The following C1orf35 variants were observed in gnomAD, a reference collection of about 807,000 sequenced individuals.
C1orf35 encodes the protein chromosome 1 open reading frame 35, also known as multiple myeloma tumor-associated protein 2.
In C1orf35, 36 loss-of-function variants were observed where a neutral mutation model predicts 30.9. The observed-to-expected ratio is 1.16, with a 90% CI of 0.89 to 1.54. The LOEUF is 1.54. Among genes scored for constraint, C1orf35 ranks in the 40% most tolerant of loss-of-function variants. C1orf35 has a pLI of 0.00. For synonymous variants in C1orf35, 179 were observed against 148.2 expected, an observed-to-expected ratio of 1.21 and a Z score of -1.51; for missense variants, 396 against 358.7, an observed-to-expected ratio of 1.10 and a Z score of -0.84.
intron 6 of C1orf35, 134 bp from the exon 7 acceptor site, chr1:228,101,607 C>T (rs2032948132): frequency 1.3e-6 from 2 of 1,510,672 alleles, no homozygotes; most frequent in Non-Finnish European, 8.8e-7. Context: ...ACTACAAATT[C>T]CACTCCTCAG....
intron 6 of C1orf35, 157 bp from the exon 7 acceptor site, chr1:228,101,630 G>A: frequency 1.4e-6 from 2 of 1,476,862 alleles, no homozygotes; most frequent in South Asian, 2.8e-5. Context: ...ACGTAGTCAC[G>A]TGGCCAGTGG....
chr1:228,101,572 T>C, intron 6 of C1orf35, 99 bp from the exon 7 acceptor site: 1 of 1,552,440 alleles, frequency 6.4e-7, no homozygotes, highest in Non-Finnish European at 8.6e-7. Flanking sequence ...CACCCACAAG[T>C]GCGTCTTTAA....
In C1orf35 at chr1:228,103,270, T is replaced by C. The variant is rs762304555; in HGVS notation, c.-43A>G. 4.4e-6 allele frequency: 7 copies of C among 1,598,822 alleles called. No individual in the cohort carries two copies. Among genetic ancestry groups the C allele is most frequent in the South Asian group, 2.2e-5 (2 of 89,742 alleles). ...TGCCTGGGGCCTGCGGCTTGCAACC[T>C]GCAACCCGCAACCCGAGACCCGCTA... On this transcript the variant is annotated 5_prime_UTR_variant, in exon 1 of 8. Transcript: ENST00000272139.
In C1orf35 at chr1:228,102,958, G is replaced by A. The variant is rs546511660; in HGVS notation, c.186C>T (p.Ser62=). The change falls in exon 2 of 8, where the codon AGC becomes AGT. Residue 62 remains serine (S), a synonymous_variant. Coordinates refer to ENST00000272139, the MANE Select transcript of C1orf35 (RefSeq NM_024319.4). ...AKGRAPCAGP[S]REEELAAVRE... Reference sequence around the variant, plus strand: ...GCACGGCTGCCAGTTCCTCCTCGCGGCTCGGGCCCGCGCATGGCGCCCGGC... The same window carrying A: ...GCACGGCTGCCAGTTCCTCCTCGCGACTCGGGCCCGCGCATGGCGCCCGGC... The A allele has an allele frequency of 9.3e-5, 142 of 1,521,316 alleles. 1 individual carries two copies. In the Admixed American group the frequency reaches 2.8e-3, roughly 30 times the overall value. 94.2% of individuals were successfully genotyped at this position (1,521,316 alleles called of 1,614,324 possible).
rs2033017425 is a variant in C1orf35 at position 228,103,016 on chromosome 1, T to C, written c.128A>G (p.Gln43Arg). The stretch of plus-strand genomic sequence containing the variant: ...GTACCAGGTGAGGTCGCGGCCCTTC[T>C]GCCAGCGGCCTACCGGCGCCATCAG... ...NSLMAPVGRW[Q>R]KGRDLTWYAK... Residue 43 changes from glutamine to arginine, a missense_variant, in exon 2 of 8, where the codon CAG becomes CGG. By Grantham distance (43) the Gln-to-Arg change is conservative. Transcript: ENST00000272139. The C allele has an allele frequency of 1.9e-6, 3 of 1,581,058 alleles. No individual in the cohort carries two copies. Among genetic ancestry groups the C allele is most frequent in the Non-Finnish European group, 8.6e-7 (1 of 1,166,712 alleles).
At chr1:228,102,006 C>T (rs2032978613) in intron 6 of C1orf35, 74 bp downstream of exon 6, 11 of 1,437,904 alleles carry the variant, frequency 7.7e-6, no homozygotes, top group African/African-American at 1.4e-5. Flanking sequence ...GCCACCTGCC[C>T]GAGTGGGAGC....
chr1:228,102,403 A>G, intron 4 of C1orf35, 21 bp from the exon 5 acceptor site: 1 of 1,606,828 alleles, frequency 6.2e-7, no homozygotes, highest in Non-Finnish European at 8.5e-7. Flanking sequence ...ATGGCGATGA[A>G]GACAGTACGG....
chr1:228,102,596 GC>G, intron 3 of C1orf35, 36 bp from the exon 4 acceptor site: 1 of 1,581,128 alleles, frequency 6.3e-7, no homozygotes. Flanking sequence ...GCTCGAGTCG[GC>G]CCCACACCCA....
At position 228,103,258 on chromosome 1, in the gene C1orf35, C is replaced by T. The variant is rs2124866522; in HGVS notation, c.-31G>A. 6.2e-7 allele frequency: 1 copy of T among 1,604,938 alleles called. No individual in the cohort carries two copies. The highest frequency in any genetic ancestry group is 8.5e-7 in the Non-Finnish European group (1 of 1,177,114). On this transcript the variant is annotated 5_prime_UTR_variant, in exon 1 of 8. Coordinates refer to ENST00000272139, the MANE Select transcript of C1orf35 (RefSeq NM_024319.4). ...CGGGAAGGCAGTTGCCTGGGGCCTG[C>T]GGCTTGCAACCTGCAACCCGCAACC...
chr1:228,102,731 TC>T, intron 2 of C1orf35, 43 bp from the exon 3 acceptor site: 1 of 1,584,732 alleles, frequency 6.3e-7, no homozygotes, highest in Non-Finnish European at 8.6e-7. Flanking sequence ...ACGGACCTCC[TC>T]CCACCACAGG....
intron 6 of C1orf35, 188 bp from the exon 7 acceptor site, chr1:228,101,661 T>C (rs1558090708): frequency 2.1e-6 from 3 of 1,450,152 alleles, no homozygotes; most frequent in Non-Finnish European, 2.7e-6. Context: ...TAGAAACAGA[T>C]GCAATATCCC....
chr1:228,102,375 C>G lies in C1orf35; in HGVS notation c.382G>C (p.Val128Leu), dbSNP rs778552072. The G allele has an allele frequency of 6.2e-7, 1 of 1,610,548 alleles. No homozygotes were observed. Among genetic ancestry groups the G allele is most frequent in the Admixed American group, 1.7e-5 (1 of 59,920 alleles). Residue 128 changes from valine (V) to leucine (L), a missense_variant, in exon 5 of 8, where the codon GTG (valine) becomes CTG (leucine). Physicochemically the swap from Val to Leu is conservative, Grantham distance 32 (BLOSUM62 1). Coordinates refer to ENST00000272139, the MANE Select transcript of C1orf35 (RefSeq NM_024319.4). ...LLGLGSASGS[V>L]GRVAMSREDK... The stretch of plus-strand genomic sequence containing the variant: ...TCTCGGGACATCGCCACGCGGCCCA[C>G]GGAGCCACTGCAGGGACATGGCGAT...
chr1:228,101,477 C>T lies in C1orf35; in HGVS notation c.534-4G>A. The T allele has an allele frequency of 6.2e-7, 1 of 1,611,598 alleles. No individual in the cohort carries two copies. Among genetic ancestry groups the T allele is most frequent in the South Asian group, 1.1e-5 (1 of 91,078 alleles). Reference sequence around the variant, plus strand: ...GCTTTTCCTGTGGCTCTCACAACTACAAGGAGGATACAAGGTGTGCCTCAG... The same window carrying T: ...GCTTTTCCTGTGGCTCTCACAACTATAAGGAGGATACAAGGTGTGCCTCAG... On this transcript the variant is annotated splice_polypyrimidine_tract_variant and splice_region_variant and intron_variant, in intron 6 of 7. Coordinates refer to ENST00000272139, the MANE Select transcript of C1orf35 (RefSeq NM_024319.4).
At chr1:228,101,772 C>G (rs544442888) in intron 6 of C1orf35, 2 of 1,410,054 alleles carry the variant, frequency 1.4e-6, no homozygotes, top group African/African-American at 1.4e-5. Context: ...CAGGCCCAGG[C>G]TCACCATCCA....
chr1:228,101,659 G>A (rs1418207914), intron 6 of C1orf35, 186 bp from the exon 7 acceptor site: 21 of 1,451,222 alleles, frequency 1.4e-5, no homozygotes, highest in Non-Finnish European at 1.7e-5. Flanking sequence ...GTTAGAAACA[G>A]ATGCAATATC....
rs765301504 is a variant in C1orf35, at chr1:228,102,204, C to T, written c.448-39G>A. On this transcript the variant is annotated intron_variant, in intron 5 of 7. Transcript: ENST00000272139. ...GAGCTCTGCGGAGGAGTCTGCGGGC[C>T]GGCCCCACACCACGCCCCGCAGCGC... The T allele has an allele frequency of 5.1e-6, 8 of 1,564,844 alleles. No homozygotes were observed. The East Asian group carries it at 1.6e-4, about 32-fold the overall frequency.
rs181874649 is a variant in C1orf35, at chr1:228,102,962, G to A, written c.182C>T (p.Pro61Leu). The A allele has an allele frequency of 1.7e-4, 260 of 1,519,990 alleles. 1 individual carries two copies. In the African/African-American group the frequency reaches 3.4e-3, roughly 20 times the overall value. The allele number at this position is 1,519,990 out of a possible 1,614,324, so 94.2% of individuals were successfully genotyped here. The change falls in exon 2 of 8, where the codon CCG (proline) becomes CTG (leucine). Residue 61 changes from proline (P) to leucine (L), a missense_variant. By Grantham distance (98) the Pro-to-Leu change is moderately conservative (BLOSUM62 -3). Coordinates refer to ENST00000272139, the MANE Select transcript of C1orf35 (RefSeq NM_024319.4). ...YAKGRAPCAG[P>L]SREEELAAVR... ...GGCTGCCAGTTCCTCCTCGCGGCTC[G>A]GGCCCGCGCATGGCGCCCGGCCCTT...
rs116824237 is a variant in C1orf35 at position 228,101,031 on chromosome 1, C to G, written c.*100G>C. 9.0e-4 allele frequency: 1,393 copies of G among 1,546,196 alleles called. 8 individuals carry two copies. In the African/African-American group the frequency reaches 0.016, roughly 18 times the overall value. On this transcript the variant is annotated 3_prime_UTR_variant, in exon 8 of 8. Coordinates refer to ENST00000272139, the MANE Select transcript of C1orf35 (RefSeq NM_024319.4). The stretch of plus-strand genomic sequence containing the variant: ...CCAGAGCCACTTCCACAGGAGCAGC[C>G]TCGGGCTTCACCCACACCCAAGGAG...
In C1orf35 at chr1:228,101,231, G is replaced by T. The variant is rs183108280; in HGVS notation, c.692C>A (p.Ser231Tyr). ...PERPRHHHHDSDSNSPCCKRR... is the reference protein window; with the variant it reads ...PERPRHHHHDYDSNSPCCKRR... ...CTTACAGCAGGGGGAGTTGGAGTCGGAGTCATGGTGGTGGTGCCTGGGCCT... is the reference window on the plus strand; with the variant it reads ...CTTACAGCAGGGGGAGTTGGAGTCGTAGTCATGGTGGTGGTGCCTGGGCCT... Residue 231 changes from serine (S) to tyrosine (Y), a missense_variant, in exon 8 of 8, where the codon TCC (serine) becomes TAC (tyrosine). By Grantham distance (144) the Ser-to-Tyr change is moderately radical. Transcript: ENST00000272139. 4 of 1,614,168 alleles carry T rather than the reference G, an allele frequency of 2.5e-6. No homozygotes were observed. The African/African-American group carries it at 5.3e-5, about 22-fold the overall frequency.
Sources: allele counts gnomAD v4.1 joint callset, GRCh38; gene constraint gnomAD v4.1.1; transcripts MANE v1.5; gene names NCBI Gene and HGNC (gene_info 2026-07-23, HGNC 2026-07-21).